Variants in SAMD3 observed in about 807,000 individuals in gnomAD.
The protein encoded by SAMD3 is sterile alpha motif domain containing 3, also known as sterile alpha motif domain-containing protein 3.
Under a neutral mutation model 58.5 loss-of-function variants are expected in SAMD3, and 63 were observed. That is an observed-to-expected ratio of 1.08 (90% CI 0.88 to 1.33). SAMD3 has a LOEUF of 1.33. Among genes scored for constraint, SAMD3 ranks in the 40% most tolerant of loss-of-function variants. SAMD3 has a pLI of 0.00. For synonymous variants in SAMD3, 220 were observed against 210.3 expected (o/e 1.05, Z -0.40); for missense variants, 604 against 608.4 (o/e 0.99, Z 0.08).
intron 2 of SAMD3, among the ~76,000 whole-genome samples, chr6:130,257,505 T>C (rs1290250577): frequency 6.6e-6 from 1 of 152,172 alleles, no homozygotes; most frequent in Non-Finnish European, 1.5e-5. Context: ...CCTGACAGTA[T>C]AAGAAAACCC....
chr6:130,305,236 G>T (rs935092102), intron 2 of SAMD3, among the ~76,000 whole-genome samples: 1 of 151,948 alleles, frequency 6.6e-6, no homozygotes, highest in Non-Finnish European at 1.5e-5. Context: ...CTGGTATATA[G>T]AAATGAAGTA....
In SAMD3 at chr6:130,214,380, G is replaced by A; in HGVS notation, c.226C>T (p.Pro76Ser). ...NTQGLKSPEN[P>S]KKAALVMQTE... ...TGCATGACCAGGGCTGCCTTTTTGGGGTTTTCTGGGGACTTCAGTCCTTGA... is the reference window on the plus strand; with the variant it reads ...TGCATGACCAGGGCTGCCTTTTTGGAGTTTTCTGGGGACTTCAGTCCTTGA... The change falls in exon 4 of 12, where the codon CCC becomes TCC. Residue 76 changes from proline to serine, a missense_variant. Physicochemically the swap from Pro to Ser is moderately conservative, Grantham distance 74. Transcript: ENST00000439090. The A allele has an allele frequency of 6.2e-7, 1 of 1,608,260 alleles. No homozygotes were observed. The highest frequency in any genetic ancestry group is 8.5e-7 in the Non-Finnish European group (1 of 1,177,296).
intron 2 of SAMD3, among the ~76,000 whole-genome samples, chr6:130,304,581 A>C (rs1775853265): frequency 6.6e-6 from 1 of 152,136 alleles, no homozygotes. Flanking sequence ...GAGCTTTATG[A>C]CTTTTTACTG....
At chr6:130,318,835 G>A (rs1429040385) in intron 1 of SAMD3, among the ~76,000 whole-genome samples, 1 of 152,166 alleles carries the variant, frequency 6.6e-6, no homozygotes, top group African/African-American at 2.4e-5. Flanking sequence ...TGGATAATCA[G>A]TTATTGAAGA....
chr6:130,352,763 CAT>C (rs1173154165), intron 1 of SAMD3, among the ~76,000 whole-genome samples: 1 of 152,118 alleles, frequency 6.6e-6, no homozygotes. Context: ...GCAAAGAAAA[CAT>C]ATACTGCTCT....
At chr6:130,231,165 G>C (rs1211442747) in intron 2 of SAMD3, among the ~76,000 whole-genome samples, 1 of 152,062 alleles carries the variant, frequency 6.6e-6, no homozygotes, top group African/African-American at 2.4e-5. Flanking sequence ...TTTTAATACA[G>C]TTAAGATAAT....
intron 2 of SAMD3, among the ~76,000 whole-genome samples, chr6:130,266,401 C>CA (rs1175729324): frequency 2.0e-5 from 3 of 151,580 alleles, no homozygotes; most frequent in Non-Finnish European, 4.4e-5. Flanking sequence ...ATTCCCGGCT[C>CA]AAAAAAAATC....
rs531908800 is a variant in SAMD3 at position 130,320,015 on chromosome 6, C to T, written c.-303-6922G>A. Among the ~76,000 whole-genome samples the T allele has an allele frequency of 4.0e-5, 6 of 151,896 alleles. No homozygotes were observed. The East Asian group carries it at 9.6e-4, about 24-fold the overall frequency. ...ACACACACACACATGCACACACACA[C>T]GTCCCCCAACACATTAAAAAATTGT... On this transcript the variant is annotated intron_variant, in intron 1 of 13. Transcript: ENST00000368134.
intron 1 of SAMD3, among the ~76,000 whole-genome samples, chr6:130,335,311 A>G (rs887561228): frequency 3.3e-5 from 5 of 152,238 alleles, no homozygotes; most frequent in South Asian, 2.1e-4. Flanking sequence ...AATGTATATG[A>G]CTTGTCGCCT....
At position 130,207,046 on chromosome 6, in the gene SAMD3, G is replaced by C. The variant is rs76802871; in HGVS notation, c.383+2449C>G. Among the ~76,000 whole-genome samples the C allele has an allele frequency of 9.2e-4, 140 of 151,914 alleles. 4 individuals carry two copies. The East Asian group carries it at 0.026, about 28-fold the overall frequency. ...CACCTGTGGGCTCAGCTACTCCAAA[G>C]GCTAAGGCGGGAGGATTTCCGGAGC... On this transcript the variant is annotated intron_variant, in intron 5 of 11. Coordinates refer to ENST00000439090, the MANE Select transcript of SAMD3 (RefSeq NM_001017373.4).
chr6:130,228,776 G>A (rs2114875337), intron 2 of SAMD3, among the ~76,000 whole-genome samples: 1 of 152,346 alleles, frequency 6.6e-6, no homozygotes, highest in East Asian at 1.9e-4. Flanking sequence ...GCTGTAAGCA[G>A]ACAGTACTGG....
At chr6:130,185,583 T>C (rs1021187466) in intron 5 of SAMD3, among the ~76,000 whole-genome samples, 40 of 151,308 alleles carry the variant, frequency 2.6e-4, no homozygotes, top group African/African-American at 8.7e-4. Flanking sequence ...CACCTTGGCC[T>C]CCCAAAGTGC....
chr6:130,164,844 G>A (rs981703974), intron 8 of SAMD3, among the ~76,000 whole-genome samples: 2 of 152,112 alleles, frequency 1.3e-5, no homozygotes, highest in African/African-American at 4.8e-5. Flanking sequence ...CTTCAAGAGG[G>A]TAGAGAAGGA....
chr6:130,193,756 G>T (rs1793795173), intron 5 of SAMD3, among the ~76,000 whole-genome samples: 1 of 152,144 alleles, frequency 6.6e-6, no homozygotes, highest in Non-Finnish European at 1.5e-5. Flanking sequence ...CCAGAAAATG[G>T]CACTTTCAAG....
intron 1 of SAMD3, among the ~76,000 whole-genome samples, chr6:130,218,647 C>T (rs1188994624): frequency 6.6e-6 from 1 of 152,140 alleles, no homozygotes; most frequent in African/African-American, 2.4e-5. Context: ...ATATGATATA[C>T]AGCCAATCAT....
chr6:130,192,231 C>A (rs1479570179), intron 5 of SAMD3, among the ~76,000 whole-genome samples: 2 of 152,162 alleles, frequency 1.3e-5, no homozygotes, highest in Non-Finnish European at 2.9e-5. Context: ...TATAAAATAT[C>A]AAATATAACA....
At position 130,319,731 on chromosome 6, in the gene SAMD3, T is replaced by C. The variant is rs146509128; in HGVS notation, c.-303-6638A>G. Among the ~76,000 whole-genome samples the C allele has an allele frequency of 3.7e-4, 56 of 152,274 alleles. 1 individual carries two copies. In the East Asian group the frequency reaches 0.011, roughly 29 times the overall value. ...ATGGCATGTAGAAAAATATAGAGAA[T>C]TTTCTTATTAAATATCTTTAAAATA... On this transcript the variant is annotated intron_variant, in intron 1 of 13. Transcript: ENST00000368134.
chr6:130,285,919 G>A (rs929359882), intron 2 of SAMD3, among the ~76,000 whole-genome samples: 29 of 152,046 alleles, frequency 1.9e-4, no homozygotes, highest in Admixed American at 1.5e-3. Flanking sequence ...TTTTGATCAC[G>A]GATATGAGAT....
intron 2 of SAMD3, among the ~76,000 whole-genome samples, chr6:130,266,908 C>T (rs1022311816): frequency 2.0e-5 from 3 of 152,150 alleles, no homozygotes; most frequent in African/African-American, 7.2e-5. Context: ...CACAAGATGG[C>T]TCATGAGGAT....
Sources: gnomAD v4.1 joint callset for allele counts (sites outside exome capture counted in the v4.1 genomes callset) on GRCh38, gnomAD v4.1.1 for gene constraint, MANE v1.5 for transcripts, NCBI Gene and HGNC (gene_info 2026-07-23, HGNC 2026-07-21) for gene names.